Variants in CD8B observed in about 807,000 individuals in gnomAD.
CD8B encodes the protein CD8 subunit beta.
In CD8B, 6 loss-of-function variants were observed where a neutral mutation model predicts 24.2. The observed-to-expected ratio is 0.25, with a 90% CI of 0.14 to 0.49. CD8B has a LOEUF of 0.49. Among genes scored for constraint, CD8B ranks in the 20% least tolerant of loss-of-function variants. CD8B has a pLI of 0.98. For missense variants in CD8B, 196 were observed against 271.3 expected (o/e 0.72, Z 1.95); for synonymous variants, 84 against 108.3 (o/e 0.78, Z 1.39).
At chr2:86,843,933 G>A (rs1335187662) in intron 5 of CD8B, among the ~76,000 whole-genome samples, 1 of 152,190 alleles carries the variant, frequency 6.6e-6, no homozygotes, top group Admixed American at 6.5e-5. Context: ...AGGAGAACCT[G>A]TTGCCCTCTT....
rs534479971 is a variant in CD8B at position 86,851,660 on chromosome 2, GA to G, written c.493+1336del. ...TAAAATATTTAAGACAAAGCAAACT[GA>G]GCAGTGCGAGGCAGTGCTCCAGGGG... On this transcript the variant is annotated intron_variant, in intron 3 of 5. Coordinates refer to ENST00000390655, the MANE Select transcript of CD8B (RefSeq NM_004931.5). Among the ~76,000 whole-genome samples the G allele has an allele frequency of 1.1e-4, 16 of 152,300 alleles. 1 individual carries two copies. The South Asian group carries it at 1.5e-3, about 14-fold the overall frequency.
chr2:86,861,128 T>G (rs1676563438), intron 1 of CD8B, among the ~76,000 whole-genome samples: 1 of 152,188 alleles, frequency 6.6e-6, no homozygotes. Flanking sequence ...TTGGGCTTTT[T>G]GGGCACGAGA....
At chr2:86,818,337 A>G (rs983393100) in intron 5 of CD8B, among the ~76,000 whole-genome samples, 18 of 152,204 alleles carry the variant, frequency 1.2e-4, no homozygotes, top group African/African-American at 3.6e-4. Context: ...ATTTTATTGC[A>G]CTTTATTTTT....
intron 5 of CD8B, among the ~76,000 whole-genome samples, chr2:86,819,561 G>T (rs998567499): frequency 6.6e-6 from 1 of 152,152 alleles, no homozygotes; most frequent in Non-Finnish European, 1.5e-5. Context: ...TTAGAGCATG[G>T]TTTACTGAAT....
Position 86,831,746 on chromosome 2 carries a change from G to A in CD8B, c.620+13176C>T, listed in dbSNP as rs1573497477. On this transcript the variant is annotated intron_variant, in intron 5 of 5. Transcript: ENST00000331469. ...GCTCCCCTGCCCCAGGGAGACACGGGTGGTCAAAGTAGAAACTGAAGATCA... is the reference window on the plus strand; with the variant it reads ...GCTCCCCTGCCCCAGGGAGACACGGATGGTCAAAGTAGAAACTGAAGATCA... Among the ~76,000 whole-genome samples, 3 of 152,274 alleles carry A rather than the reference G, an allele frequency of 2.0e-5. No individual in the cohort carries two copies. The South Asian group carries it at 6.2e-4, about 32-fold the overall frequency.
At chr2:86,818,246 T>C (rs891811667) in intron 5 of CD8B, among the ~76,000 whole-genome samples, 1 of 151,978 alleles carries the variant, frequency 6.6e-6, no homozygotes, top group African/African-American at 2.4e-5. Flanking sequence ...AAATAAAGTA[T>C]ATATTCATAA....
intron 5 of CD8B, among the ~76,000 whole-genome samples, chr2:86,830,952 A>T (rs1674883303): frequency 6.6e-6 from 1 of 151,128 alleles, no homozygotes; most frequent in South Asian, 2.1e-4. Context: ...CCTTTTAAGA[A>T]ACGTTATTTA....
intron 3 of CD8B, among the ~76,000 whole-genome samples, chr2:86,849,738 C>G (rs547597836): frequency 7.3e-5 from 10 of 137,414 alleles, no homozygotes; most frequent in African/African-American, 2.8e-4. Flanking sequence ...GGGTCTTGCT[C>G]TGTCGCCCAG....
chr2:86,816,761 T>A (rs1674264489), intron 5 of CD8B, among the ~76,000 whole-genome samples: 1 of 152,234 alleles, frequency 6.6e-6, no homozygotes, highest in African/African-American at 2.4e-5. Flanking sequence ...CAAAACTTTT[T>A]TAAAAAATGT....
chr2:86,854,486 C>T (rs1437507085), intron 2 of CD8B, among the ~76,000 whole-genome samples: 2 of 152,164 alleles, frequency 1.3e-5, no homozygotes, highest in African/African-American at 4.8e-5. Flanking sequence ...GGAGCTGGCC[C>T]CTGCAGCCCC....
intron 2 of CD8B, 30 bp downstream of exon 2, chr2:86,858,027 C>T (rs1398182884): frequency 6.2e-7 from 1 of 1,606,324 alleles, no homozygotes; most frequent in African/African-American, 1.3e-5. Flanking sequence ...ACAATCGGTG[C>T]TCACTGATAG....
At chr2:86,851,125 A>T (rs541303398) in intron 3 of CD8B, among the ~76,000 whole-genome samples, 1 of 152,024 alleles carries the variant, frequency 6.6e-6, no homozygotes, top group African/African-American at 2.4e-5. Context: ...AAAAGAAATT[A>T]TGCAAGAAAT....
chr2:86,846,925 G>GTCTTTTTTTTTTTTTTTT lies in CD8B; in HGVS notation c.494-153_494-152insAAAAAAAAAAAAAAAAGA, dbSNP rs1285464744. 1.1e-5 allele frequency: 2 copies of GTCTTTTTTTTTTTTTTTT among 176,724 alleles called. 1 individual carries two copies. Among genetic ancestry groups the GTCTTTTTTTTTTTTTTTT allele is most frequent in the African/African-American group, 7.3e-5 (2 of 27,522 alleles). The allele number at this position is 176,724 out of a possible 1,614,324, so 10.9% of individuals were successfully genotyped here. On this transcript the variant is annotated intron_variant, in intron 3 of 5. Transcript: ENST00000390655. Reference sequence around the variant, plus strand: ...TTCGATGTAATGTATTTTTCCTCAAGTATTTTTTTTTTTTTTTTTTTTTTT... The same window carrying GTCTTTTTTTTTTTTTTTT: ...TTCGATGTAATGTATTTTTCCTCAAGTCTTTTTTTTTTTTTTTTTATTTTTTTTTTTTTTTTTTTTTTT...
intron 5 of CD8B, among the ~76,000 whole-genome samples, chr2:86,830,116 T>C (rs553128233): frequency 1.3e-5 from 2 of 152,082 alleles, no homozygotes; most frequent in Non-Finnish European, 2.9e-5. Context: ...TAGGCTGGAG[T>C]GCAGTGGTAC....
intron 3 of CD8B, 116 bp downstream of exon 3, chr2:86,852,881 G>A (rs1199863176): frequency 2.2e-5 from 32 of 1,450,872 alleles, no homozygotes; most frequent in Non-Finnish European, 2.9e-5. Flanking sequence ...TTAGGCCGGG[G>A]AGATAGGCTC....
chr2:86,851,056 A>G (rs1675949267), intron 3 of CD8B, among the ~76,000 whole-genome samples: 1 of 150,592 alleles, frequency 6.6e-6, no homozygotes, highest in South Asian at 2.1e-4. Flanking sequence ...ACGCCACTGC[A>G]CTCCAGCCTG....
chr2:86,835,576 A>G (rs1257115228), downstream of CD8B, among the ~76,000 whole-genome samples: 1 of 151,510 alleles, frequency 6.6e-6, no homozygotes, highest in African/African-American at 2.4e-5. Flanking sequence ...TCTTGCCCAG[A>G]CAGCAGGCCT....
At chr2:86,856,384 C>G (rs1411181307) in intron 2 of CD8B, among the ~76,000 whole-genome samples, 1 of 152,096 alleles carries the variant, frequency 6.6e-6, no homozygotes, top group Non-Finnish European at 1.5e-5. Flanking sequence ...AACCCCAAAC[C>G]CCAAACCCCA....
At chr2:86,826,500 G>C (rs1203384456) in intron 5 of CD8B, among the ~76,000 whole-genome samples, 1 of 152,174 alleles carries the variant, frequency 6.6e-6, no homozygotes, top group Non-Finnish European at 1.5e-5. Flanking sequence ...ACCTATGGGA[G>C]AGGCGGTGAC....
Sources: gnomAD v4.1 joint callset for allele counts (sites outside exome capture counted in the v4.1 genomes callset) on GRCh38, gnomAD v4.1.1 for gene constraint, MANE v1.5 for transcripts, NCBI Gene and HGNC (gene_info 2026-07-23, HGNC 2026-07-21) for gene names.